Variants in TMEM117 observed in about 807,000 individuals in gnomAD.
TMEM117 encodes the protein transmembrane protein 117.
In TMEM117, 27 loss-of-function variants were observed where a neutral mutation model predicts 52.4. The ratio of observed to expected loss-of-function variants is 0.51; its 90% CI spans 0.38 to 0.71. TMEM117 has a LOEUF of 0.71. TMEM117 is among the 30% of genes least tolerant of loss of function. TMEM117 has a pLI of 0.00. For missense variants in TMEM117, 556 were observed against 630.5 expected (o/e 0.88, Z 1.26); for synonymous variants, 215 against 206.3 (o/e 1.04, Z -0.36).
intron 5 of TMEM117, among the ~76,000 whole-genome samples, chr12:44,246,117 ATTAC>A (rs1950126258): frequency 6.6e-6 from 1 of 152,142 alleles, no homozygotes; most frequent in Non-Finnish European, 1.5e-5. Flanking sequence ...TTACATTAAC[ATTAC>A]TTACGTATAT....
chr12:43,844,663 C>G lies in TMEM117; in HGVS notation c.12C>G (p.Asp4Glu). Residue 4 changes from aspartate (D) to glutamate (E), a missense_variant, in exon 2 of 8, where the codon GAC (aspartate) becomes GAG (glutamate). Asp to Glu is a conservative substitution (Grantham distance 45). Around this residue, in one of 3 missense-constraint regions of TMEM117, gnomAD observed 328 missense variants for 371.4 expected, o/e 0.88. Coordinates refer to ENST00000266534, the MANE Select transcript of TMEM117 (RefSeq NM_032256.3). ...GGGAGTTCTGAAGAATGGGTAAAGA[C>G]TTTCGTTACTATTTCCAGCATCCCT... is the stretch of plus-strand genomic sequence containing the variant. The part of the protein sequence containing the change: MGK[D>E]FRYYFQHPWS... 1 of 1,613,510 alleles carries G rather than the reference C, an allele frequency of 6.2e-7. No homozygotes were observed. The highest frequency in any genetic ancestry group is 8.5e-7 in the Non-Finnish European group (1 of 1,179,854).
intron 3 of TMEM117, among the ~76,000 whole-genome samples, chr12:44,097,592 A>G (rs1468695398): frequency 1.3e-5 from 2 of 151,940 alleles, no homozygotes; most frequent in Non-Finnish European, 2.9e-5. Flanking sequence ...GGAAGTCATC[A>G]TTCTTAGCAA....
intron 3 of TMEM117, among the ~76,000 whole-genome samples, chr12:44,045,114 C>G (rs1325287150): frequency 6.6e-6 from 1 of 152,144 alleles, no homozygotes; most frequent in Non-Finnish European, 1.5e-5. Flanking sequence ...CTGTGGACAC[C>G]ACTCAACCTC....
chr12:44,285,655 A>G (rs779405766), intron 5 of TMEM117, among the ~76,000 whole-genome samples: 2 of 152,252 alleles, frequency 1.3e-5, no homozygotes, highest in Non-Finnish European at 2.9e-5. Flanking sequence ...TTCAGGGTTC[A>G]GTAAACCCAC....
intron 3 of TMEM117, among the ~76,000 whole-genome samples, chr12:44,025,314 C>A (rs1367351993): frequency 2.0e-5 from 3 of 152,130 alleles, no homozygotes; most frequent in Non-Finnish European, 2.9e-5. Flanking sequence ...TGGATTCATC[C>A]TGACTTTTAT....
intron 5 of TMEM117, among the ~76,000 whole-genome samples, chr12:44,282,881 G>T (rs192314852): frequency 6.6e-6 from 1 of 152,204 alleles, no homozygotes; most frequent in Non-Finnish European, 1.5e-5. Context: ...AAGTGGTTTC[G>T]TGGGCTGGGC....
chr12:44,151,912 A>G (rs1948732607), intron 4 of TMEM117, among the ~76,000 whole-genome samples: 1 of 131,874 alleles, frequency 7.6e-6, no homozygotes, highest in African/African-American at 2.8e-5. Flanking sequence ...TTAATATATA[A>G]TATATATTAT....
chr12:43,817,646 A>G, the TMEM117 span, among the ~76,000 whole-genome samples: 1 of 152,230 alleles, frequency 6.6e-6, no homozygotes, highest in Non-Finnish European at 1.5e-5. Context: ...TTATGTTAGT[A>G]TATGAACACA....
chr12:43,907,476 A>G (rs1231494322), intron 2 of TMEM117, among the ~76,000 whole-genome samples: 1 of 151,770 alleles, frequency 6.6e-6, no homozygotes, highest in East Asian at 1.9e-4. Flanking sequence ...CTCACCAGCA[A>G]CAGAACAAAG....
At chr12:44,247,830 G>A (rs1950149293) in intron 5 of TMEM117, among the ~76,000 whole-genome samples, 2 of 152,206 alleles carry the variant, frequency 1.3e-5, no homozygotes, top group Non-Finnish European at 2.9e-5. Context: ...GGGAGAGGGT[G>A]CTGTGATAGC....
At chr12:43,798,834 T>C in the TMEM117 span, among the ~76,000 whole-genome samples, 1 of 152,024 alleles carries the variant, frequency 6.6e-6, no homozygotes, top group Non-Finnish European at 1.5e-5. Context: ...CCAGTAGAAA[T>C]ACAGTAGTTA....
chr12:44,210,756 A>G lies in TMEM117; in HGVS notation c.511-534A>G, dbSNP rs545718661. ...CAGAATCTGTGCAGGTGAGGAAAAGAGGAAGAACATTTTTAGATGAAGGCA... is the reference window on the plus strand; with the variant it reads ...CAGAATCTGTGCAGGTGAGGAAAAGGGGAAGAACATTTTTAGATGAAGGCA... On this transcript the variant is annotated intron_variant, in intron 4 of 7. Transcript: ENST00000266534. Among the ~76,000 whole-genome samples the G allele has an allele frequency of 1.8e-4, 27 of 152,260 alleles. No homozygotes were observed. The South Asian group carries it at 4.4e-3, about 25-fold the overall frequency.
intron 5 of TMEM117, among the ~76,000 whole-genome samples, chr12:44,225,599 A>G (rs1267919688): frequency 6.6e-6 from 1 of 152,176 alleles, no homozygotes; most frequent in Non-Finnish European, 1.5e-5. Context: ...CATTTTTCCC[A>G]TTAAACAATT....
intron 2 of TMEM117, among the ~76,000 whole-genome samples, chr12:43,846,423 T>C (rs764145077): frequency 6.6e-6 from 1 of 152,216 alleles, no homozygotes; most frequent in Non-Finnish European, 1.5e-5. Flanking sequence ...CTGGGTTGAC[T>C]TTCCTGGTCT....
At chr12:44,005,765 C>T (rs1041481680) in intron 3 of TMEM117, among the ~76,000 whole-genome samples, 4 of 152,124 alleles carry the variant, frequency 2.6e-5, no homozygotes, top group African/African-American at 9.7e-5. Flanking sequence ...ACAGGAGAGA[C>T]CCAGTGGAAG....
chr12:44,304,077 A>G (rs1185251918), intron 6 of TMEM117, among the ~76,000 whole-genome samples: 1 of 152,164 alleles, frequency 6.6e-6, no homozygotes, highest in East Asian at 1.9e-4. Context: ...TTTTAACATT[A>G]TATTAGGAAA....
At chr12:44,206,770 T>C (rs1208540241) in intron 4 of TMEM117, among the ~76,000 whole-genome samples, 1 of 152,104 alleles carries the variant, frequency 6.6e-6, no homozygotes, top group Non-Finnish European at 1.5e-5. Flanking sequence ...ATTGAATATA[T>C]GGAGGCACAA....
chr12:44,326,902 C>G (rs1407134612), intron 6 of TMEM117, among the ~76,000 whole-genome samples: 1 of 152,200 alleles, frequency 6.6e-6, no homozygotes. Flanking sequence ...ACTGAAGCCT[C>G]CTTCTTTCTA....
intron 7 of TMEM117, among the ~76,000 whole-genome samples, chr12:44,381,732 G>T (rs886359922): frequency 6.6e-6 from 1 of 152,156 alleles, no homozygotes; most frequent in South Asian, 2.1e-4. Context: ...ACAATGGTGA[G>T]AATGTGGAAA....
Sources: gnomAD v4.1 joint callset for allele counts (sites outside exome capture counted in the v4.1 genomes callset) on GRCh38, gnomAD v4.1.1 for gene constraint, gnomAD v4.1.1 regional missense constraint, MANE v1.5 for transcripts, NCBI Gene and HGNC (gene_info 2026-07-23, HGNC 2026-07-21) for gene names.